Variants in KCNH7 observed in about 807,000 individuals in gnomAD.
KCNH7 encodes voltage-gated inwardly rectifying potassium channel KCNH7.
KCNH7 carries 49 observed loss-of-function variants against 120.8 expected under a neutral mutation model. The ratio of observed to expected loss-of-function variants is 0.41; its 90% CI spans 0.32 to 0.51. KCNH7 has a LOEUF of 0.51. Among genes scored for constraint, KCNH7 ranks in the 20% least tolerant of loss-of-function variants. The probability of loss-of-function intolerance (pLI) is 0.38; values close to 1 mark genes in which losing one functional copy is unlikely to be tolerated. For synonymous variants in KCNH7, 547 were observed against 516.1 expected, an observed-to-expected ratio of 1.06 and a Z score of -0.81; for missense variants, 1,097 against 1,446.6, an observed-to-expected ratio of 0.76 and a Z score of 3.92.
At chr2:162,423,845 C>T (rs75701095) in intron 8 of KCNH7, among the ~76,000 whole-genome samples, 1 of 151,992 alleles carries the variant, frequency 6.6e-6, no homozygotes, top group Non-Finnish European at 1.5e-5. Flanking sequence ...AACCCTTTCA[C>T]TTGAAAAAGA....
At position 162,371,938 on chromosome 2, in the gene KCNH7, G is replaced by A. The variant is rs775263383; in HGVS notation, c.3482C>T (p.Thr1161Ile). The stretch of plus-strand genomic sequence containing the variant: ...AGGATGCCTAATTGGATGAACGTAA[G>A]TTTTTCTTTGCCGCAGGTGAAGCTC... ...SLELHLRQRK[T>I]YVHPIRHPSL... The change falls in exon 16 of 16, where the codon ACT becomes ATT. Residue 1161 changes from threonine to isoleucine, a missense_variant. By Grantham distance (89) the Thr-to-Ile change is moderately conservative (BLOSUM62 -1). This residue lies in a region of KCNH7 where 406 missense variants were observed against 410.5 expected (regional missense o/e 0.99). Coordinates refer to ENST00000332142, the MANE Select transcript of KCNH7 (RefSeq NM_033272.4). 18 of 1,613,784 alleles carry A rather than the reference G, an allele frequency of 1.1e-5. No homozygotes were observed. The highest frequency in any genetic ancestry group is 1.5e-5 in the Non-Finnish European group (18 of 1,179,890).
chr2:162,830,961 TAAGAC>T (rs1484595810), intron 2 of KCNH7, among the ~76,000 whole-genome samples: 1 of 152,146 alleles, frequency 6.6e-6, no homozygotes, highest in African/African-American at 2.4e-5. Flanking sequence ...AGGAAAAGAC[TAAGAC>T]AACACAATAC....
chr2:162,516,933 T>C (rs985518373), intron 4 of KCNH7, among the ~76,000 whole-genome samples: 1 of 151,782 alleles, frequency 6.6e-6, no homozygotes. Flanking sequence ...ACTTACTAAA[T>C]AGGGCTTAGA....
intron 2 of KCNH7, among the ~76,000 whole-genome samples, chr2:162,684,055 A>G (rs1344748928): frequency 1.3e-5 from 2 of 152,104 alleles, no homozygotes; most frequent in African/African-American, 4.8e-5. Flanking sequence ...CACATCTACA[A>G]CCATCTGATC....
intron 2 of KCNH7, among the ~76,000 whole-genome samples, chr2:162,691,790 A>G (rs1280908395): frequency 1.3e-5 from 2 of 152,194 alleles, no homozygotes; most frequent in African/African-American, 4.8e-5. Context: ...AATTTGGCAG[A>G]TTATGTCACA....
chr2:162,431,862 G>T (rs1432117685), intron 8 of KCNH7, among the ~76,000 whole-genome samples: 1 of 151,900 alleles, frequency 6.6e-6, no homozygotes, highest in Non-Finnish European at 1.5e-5. Context: ...GAAGAAAATT[G>T]CCTAAAATTC....
At chr2:162,591,308 T>A (rs1290467702) in intron 2 of KCNH7, among the ~76,000 whole-genome samples, 2 of 152,054 alleles carry the variant, frequency 1.3e-5, no homozygotes, top group African/African-American at 4.8e-5. Flanking sequence ...GCACAGACTC[T>A]CCTTCACATT....
chr2:162,441,058 A>T (rs1417429818), intron 7 of KCNH7, among the ~76,000 whole-genome samples: 1 of 152,124 alleles, frequency 6.6e-6, no homozygotes, highest in East Asian at 1.9e-4. Context: ...TGGGGATCTC[A>T]TATCTCTTAA....
intron 2 of KCNH7, among the ~76,000 whole-genome samples, chr2:162,614,042 G>A (rs1683060522): frequency 6.6e-6 from 1 of 151,712 alleles, no homozygotes; most frequent in Non-Finnish European, 1.5e-5. Context: ...GGGAGTCTAA[G>A]TCAACACAAC....
At chr2:162,387,185 C>A (rs1390721984) in intron 12 of KCNH7, among the ~76,000 whole-genome samples, 1 of 149,244 alleles carries the variant, frequency 6.7e-6, no homozygotes, top group Non-Finnish European at 1.5e-5. Flanking sequence ...GCCATATGAA[C>A]AATTTCTTTG....
intron 2 of KCNH7, among the ~76,000 whole-genome samples, chr2:162,824,814 G>C (rs942997421): frequency 6.6e-6 from 1 of 151,646 alleles, no homozygotes; most frequent in African/African-American, 2.4e-5. Context: ...TAACTTTCCT[G>C]GCCATCAGTT....
At chr2:162,838,347 C>T in intron 1 of KCNH7, 96 bp downstream of exon 1, 1 of 966,560 alleles carries the variant, frequency 1.0e-6, no homozygotes, top group South Asian at 1.4e-5. Context: ...TTGACAGAGC[C>T]TGGAGTTGCC....
At chr2:162,659,522 A>G (rs1489416442) in intron 2 of KCNH7, among the ~76,000 whole-genome samples, 1 of 151,832 alleles carries the variant, frequency 6.6e-6, no homozygotes, top group Non-Finnish European at 1.5e-5. Flanking sequence ...TTGTATTTTT[A>G]GTAGAGACGA....
At chr2:162,561,469 C>T (rs1261488830) in intron 2 of KCNH7, among the ~76,000 whole-genome samples, 1 of 152,202 alleles carries the variant, frequency 6.6e-6, no homozygotes, top group Non-Finnish European at 1.5e-5. Context: ...AATCGCCACA[C>T]TGTCTTCCAC....
In KCNH7 at chr2:162,722,813, CT is replaced by C. The variant is rs894023630; in HGVS notation, c.307+113723del. Among the ~76,000 whole-genome samples, 187 of 85,096 alleles carry C rather than the reference CT, an allele frequency of 2.2e-3. 1 individual carries two copies. The highest frequency in any genetic ancestry group is 5.0e-3 in the South Asian group (12 of 2,402). The allele number at this position is 85,096 out of a possible 152,430, so 55.8% of individuals were successfully genotyped here. ...AATCCTTTTCATTCATTCTTTTTTT[CT>C]TTTTTTTTTTTTTTTTTGCTTCTCT... is the stretch of plus-strand genomic sequence containing the variant. On this transcript the variant is annotated intron_variant, in intron 2 of 15. Coordinates refer to ENST00000332142, the MANE Select transcript of KCNH7 (RefSeq NM_033272.4).
At chr2:162,627,113 A>T (rs887080676) in intron 2 of KCNH7, among the ~76,000 whole-genome samples, 12 of 152,186 alleles carry the variant, frequency 7.9e-5, no homozygotes, top group South Asian at 2.1e-4. Context: ...ACTGAAGTGT[A>T]TCCTCTCACA....
intron 2 of KCNH7, among the ~76,000 whole-genome samples, chr2:162,744,387 C>A (rs921726765): frequency 2.0e-5 from 3 of 151,940 alleles, no homozygotes; most frequent in African/African-American, 7.3e-5. Flanking sequence ...AACAGCCTTT[C>A]TTTTCCCTCA....
chr2:162,517,985 C>T lies in KCNH7; in HGVS notation c.637G>A (p.Ala213Thr). 6.2e-7 allele frequency: 1 copy of T among 1,612,472 alleles called. No individual in the cohort carries two copies. Residue 213 changes from alanine to threonine, a missense_variant, in exon 4 of 16, where the codon GCA (alanine) becomes ACA (threonine). Ala to Thr is a moderately conservative substitution (Grantham distance 58). Coordinates refer to ENST00000332142, the MANE Select transcript of KCNH7 (RefSeq NM_033272.4). Reference sequence around the variant, plus strand: ...TGTATCAAAGCTTTTGTGTCATCTGCTTCAGAGGGGCTGCAGCTTTCTTTT... The same window carrying T: ...TGTATCAAAGCTTTTGTGTCATCTGTTTCAGAGGGGCTGCAGCTTTCTTTT... ...PTKESCSPSE[A>T]DDTKALIQPS...
chr2:162,722,614 C>A (rs1349828883), intron 2 of KCNH7, among the ~76,000 whole-genome samples: 2 of 151,964 alleles, frequency 1.3e-5, no homozygotes, highest in South Asian at 2.1e-4. Context: ...ATCTGTTGAA[C>A]TTCCTAGATG....
Sources: allele counts gnomAD v4.1 joint callset (sites outside exome capture counted in the v4.1 genomes callset), GRCh38; gene constraint gnomAD v4.1.1; regional missense constraint gnomAD v4.1.1; transcripts MANE v1.5; gene names NCBI Gene and HGNC (gene_info 2026-07-23, HGNC 2026-07-21).